RAI1: variants seen among roughly 807,000 people sequenced by gnomAD.
The protein encoded by RAI1 is retinoic acid induced 1, also known as retinoic acid-induced protein 1.
Under a neutral mutation model 123.8 loss-of-function variants are expected in RAI1, and 9 were observed. That is an observed-to-expected ratio of 0.07 (90% CI 0.04 to 0.13). The LOEUF is 0.13. Among genes scored for constraint, RAI1 ranks in the 10% least tolerant of loss-of-function variants. The pLI, the probability that RAI1 is intolerant of heterozygous loss-of-function variation, is 1.00. For synonymous variants in RAI1, 1,231 were observed against 1,127.3 expected (o/e 1.09, Z -1.84); for missense variants, 2,256 against 2,545.8 (o/e 0.89, Z 2.45).
intron 2 of RAI1, chr17:17,777,468 CAG>C (rs765798539): frequency 5.9e-5 from 9 of 152,260 alleles, no homozygotes; most frequent in Non-Finnish European, 1.0e-4. Flanking sequence ...ATCTGTAAAA[CAG>C]TGGTGATTGG....
chr17:17,749,010 A>G (rs986792347), intron 2 of RAI1, among the ~76,000 whole-genome samples: 1 of 152,220 alleles, frequency 6.6e-6, no homozygotes, highest in Non-Finnish European at 1.5e-5. Flanking sequence ...CAGGGCTGGC[A>G]TGGAGCATCA....
intron 4 of RAI1, among the ~76,000 whole-genome samples, chr17:17,805,567 A>G (rs1474086530): frequency 6.6e-6 from 1 of 152,194 alleles, no homozygotes; most frequent in African/African-American, 2.4e-5. Context: ...TTGCCTGGAC[A>G]GGGGACCACA....
chr17:17,786,488 G>C (rs1316623513), intron 2 of RAI1, among the ~76,000 whole-genome samples: 2 of 152,222 alleles, frequency 1.3e-5, no homozygotes, highest in Non-Finnish European at 2.9e-5. Context: ...TCAGTCGTGG[G>C]GGTGCAAGGG....
At chr17:17,711,034 G>A (rs1915550632) in intron 1 of RAI1, among the ~76,000 whole-genome samples, 2 of 152,234 alleles carry the variant, frequency 1.3e-5, no homozygotes, top group African/African-American at 4.8e-5. Flanking sequence ...CACACGGTTT[G>A]TTTGGAGAAT....
intron 1 of RAI1, among the ~76,000 whole-genome samples, chr17:17,711,165 G>C (rs1915554022): frequency 6.6e-6 from 1 of 152,214 alleles, no homozygotes; most frequent in Non-Finnish European, 1.5e-5. Flanking sequence ...GGTGATAGGG[G>C]AGCCCTGCAT....
At chr17:17,715,310 G>A (rs897060090) in intron 1 of RAI1, among the ~76,000 whole-genome samples, 3 of 152,252 alleles carry the variant, frequency 2.0e-5, no homozygotes, top group African/African-American at 7.2e-5. Flanking sequence ...ATGACAAGCT[G>A]TGAGACCGGG....
intron 1 of RAI1, among the ~76,000 whole-genome samples, chr17:17,695,101 G>A (rs1268502237): frequency 1.3e-5 from 2 of 152,126 alleles, no homozygotes; most frequent in African/African-American, 2.4e-5. Flanking sequence ...AGGATAATGG[G>A]GAGACTGGAC....
chr17:17,804,489 G>A (rs558938553), intron 4 of RAI1, among the ~76,000 whole-genome samples: 4 of 152,322 alleles, frequency 2.6e-5, no homozygotes, highest in African/African-American at 9.6e-5. Flanking sequence ...CCACCCAAGA[G>A]CCCTTACCTT....
At chr17:17,706,265 G>A (rs1362006041) in intron 1 of RAI1, among the ~76,000 whole-genome samples, 1 of 152,096 alleles carries the variant, frequency 6.6e-6, no homozygotes, top group Non-Finnish European at 1.5e-5. Flanking sequence ...AAGGCCTACA[G>A]GTAACAGGAA....
chr17:17,703,670 TGCTCTGTTTGCC>T (rs937420652), intron 1 of RAI1, among the ~76,000 whole-genome samples: 46 of 152,290 alleles, frequency 3.0e-4, no homozygotes, highest in Non-Finnish European at 4.4e-4. Context: ...AACAGGGGCT[TGCTCTGTTTGCC>T]GAGGCTGGAG....
chr17:17,728,062 C>T (rs750592661), intron 2 of RAI1, among the ~76,000 whole-genome samples: 1 of 150,874 alleles, frequency 6.6e-6, no homozygotes, highest in East Asian at 1.9e-4. Flanking sequence ...TGTGTGTGTC[C>T]GTCCCTGTGT....
intron 2 of RAI1, among the ~76,000 whole-genome samples, chr17:17,791,215 C>T (rs1309356795): frequency 6.6e-6 from 1 of 152,228 alleles, no homozygotes; most frequent in Admixed American, 6.5e-5. Flanking sequence ...GAGGTGGTCC[C>T]AGGACTGGGC....
chr17:17,684,007 G>A (rs943683399), intron 1 of RAI1: 2 of 152,158 alleles, frequency 1.3e-5, no homozygotes, highest in Non-Finnish European at 2.9e-5. Context: ...CTGAGTAGCT[G>A]GGATCACAGG....
At chr17:17,779,803 G>A (rs561594234) in intron 2 of RAI1, among the ~76,000 whole-genome samples, 2 of 138,658 alleles carry the variant, frequency 1.4e-5, no homozygotes, top group African/African-American at 5.5e-5. Context: ...AATAGACGGA[G>A]TCTCGCCCTT....
chr17:17,741,370 G>C (rs1916630940), intron 2 of RAI1, among the ~76,000 whole-genome samples: 2 of 152,218 alleles, frequency 1.3e-5, no homozygotes, highest in Admixed American at 1.3e-4. Flanking sequence ...TTCCTGAGCA[G>C]GGGGACCCTC....
At chr17:17,689,122 A>AT (rs1395588838) in intron 1 of RAI1, among the ~76,000 whole-genome samples, 17 of 150,450 alleles carry the variant, frequency 1.1e-4, no homozygotes, top group Admixed American at 8.6e-4. Flanking sequence ...TGTCTGGCTA[A>AT]TTTTTTTTTA....
In RAI1 at chr17:17,796,115, G is replaced by A; in HGVS notation, c.3167G>A (p.Cys1056Tyr). 2 of 1,584,486 alleles carry A rather than the reference G, an allele frequency of 1.3e-6. No individual in the cohort carries two copies. The highest frequency in any genetic ancestry group is 1.7e-6 in the Non-Finnish European group (2 of 1,165,158). The change falls in exon 3 of 6, where the codon TGT becomes TAT. Residue 1056 changes from cysteine to tyrosine, a missense_variant. Around this residue, in one of 7 missense-constraint regions of RAI1, gnomAD observed 566 missense variants for 616.0 expected, o/e 0.92. Transcript: ENST00000353383. The surrounding 1 kb of genome is among the most constrained non-coding windows in gnomAD (Gnocchi z 5.8). ...GCCTCGGAAGGGCTCCCCAGGATGT[G>A]TACTCGTTCTCTCACGGCCCTGAGT... Reference protein sequence around the residue: ...RGASEGLPRMCTRSLTALSEP... With the variant: ...RGASEGLPRMYTRSLTALSEP...
At chr17:17,805,318 G>A (rs1379535021) in intron 4 of RAI1, among the ~76,000 whole-genome samples, 1 of 152,100 alleles carries the variant, frequency 6.6e-6, no homozygotes, top group Non-Finnish European at 1.5e-5. Flanking sequence ...TGCTGCCTCA[G>A]TCCTATTTTG....
chr17:17,768,072 C>T (rs1230739673), intron 2 of RAI1, among the ~76,000 whole-genome samples: 1 of 152,224 alleles, frequency 6.6e-6, no homozygotes, highest in African/African-American at 2.4e-5. Context: ...TAAAGAGGAA[C>T]TGTTGCTACC....
Sources: gnomAD v4.1 joint callset for allele counts (sites outside exome capture counted in the v4.1 genomes callset) on GRCh38, gnomAD v4.1.1 for gene constraint, gnomAD v4.1.1 regional missense constraint, Gnocchi (gnomAD v3.1) non-coding constraint, MANE v1.5 for transcripts, NCBI Gene and HGNC (gene_info 2026-07-23, HGNC 2026-07-21) for gene names.